The following SEMA5B variants were observed in gnomAD, a reference collection of about 807,000 sequenced individuals.
The protein encoded by SEMA5B is semaphorin-5B.
Under a neutral mutation model 135.0 loss-of-function variants are expected in SEMA5B, and 66 were observed. The observed-to-expected ratio is 0.49, with a 90% confidence interval of 0.40 to 0.60. The LOEUF is 0.60. Among genes scored for constraint, SEMA5B ranks in the 20% least tolerant of loss-of-function variants. The probability of loss-of-function intolerance (pLI) is 0.00; values close to 1 mark genes in which losing one functional copy is unlikely to be tolerated. For synonymous variants in SEMA5B, 690 were observed against 639.5 expected (o/e 1.08, Z -1.19); for missense variants, 1,501 against 1,566.3 (o/e 0.96, Z 0.70).
intron 4 of SEMA5B, among the ~76,000 whole-genome samples, chr3:122,941,647 C>T (rs760968979): frequency 2.0e-5 from 3 of 152,304 alleles, no homozygotes; most frequent in East Asian, 1.9e-4. Context: ...GGCACATGGC[C>T]GGTGCGGAAT....
At chr3:122,948,168 C>T (rs986492276) in intron 3 of SEMA5B, among the ~76,000 whole-genome samples, 1 of 152,148 alleles carries the variant, frequency 6.6e-6, no homozygotes, top group East Asian at 1.9e-4. Flanking sequence ...CAGGCACCTC[C>T]TAATGCATGA....
At chr3:123,011,423 C>T (rs777457728) in intron 1 of SEMA5B, among the ~76,000 whole-genome samples, 1 of 152,218 alleles carries the variant, frequency 6.6e-6, no homozygotes, top group Non-Finnish European at 1.5e-5. Flanking sequence ...GCAGCCGGGG[C>T]TCGTCCCAGG....
intron 3 of SEMA5B, among the ~76,000 whole-genome samples, chr3:122,946,864 G>A (rs1329653032): frequency 6.6e-6 from 1 of 152,170 alleles, no homozygotes; most frequent in Non-Finnish European, 1.5e-5. Flanking sequence ...GGAGGATGGG[G>A]CGAGAAGTCA....
rs71136597 is a variant in SEMA5B at position 122,932,243 on chromosome 3, A to ATTTTTT, written c.475-3191_475-3186dup. ...GGTCTTACACATCCCTCTCAATATG[A>ATTTTTT]TTTTTTTTTTTTTTTTTTTTTTTTT... On this transcript the variant is annotated intron_variant, in intron 5 of 22. Coordinates refer to ENST00000357599, the MANE Select transcript of SEMA5B (RefSeq NM_001031702.4). Among the ~76,000 whole-genome samples, 216 of 85,374 alleles carry ATTTTTT rather than the reference A, an allele frequency of 2.5e-3. 41 individuals carry two copies. The highest frequency in any genetic ancestry group is 6.6e-3 in the Middle Eastern group (1 of 152). The allele number at this position is 85,374 out of a possible 152,430, so 56.0% of individuals were successfully genotyped here. A position where few individuals can be genotyped will look rare whatever the true frequency, so the allele number is the denominator to read the frequency against.
chr3:122,997,524 C>CCCCCCCA (rs1942053014), intron 1 of SEMA5B, among the ~76,000 whole-genome samples: 1 of 151,374 alleles, frequency 6.6e-6, no homozygotes, highest in African/African-American at 2.4e-5. Context: ...CCTCTCCCCC[C>CCCCCCCA]CCCGTCTCCA....
chr3:122,918,378 C>T (rs575048267), intron 12 of SEMA5B, among the ~76,000 whole-genome samples: 1 of 152,290 alleles, frequency 6.6e-6, no homozygotes, highest in East Asian at 1.9e-4. Context: ...GCAAACAAAA[C>T]AAAAAGCCCA....
chr3:123,002,061 C>A (rs1054020249), intron 1 of SEMA5B, among the ~76,000 whole-genome samples: 2 of 152,164 alleles, frequency 1.3e-5, no homozygotes, highest in Non-Finnish European at 2.9e-5. Flanking sequence ...TCAGAATAGG[C>A]TGTGCATCCT....
intron 1 of SEMA5B, among the ~76,000 whole-genome samples, chr3:123,002,553 C>T (rs1184076294): frequency 6.6e-6 from 1 of 152,204 alleles, no homozygotes; most frequent in African/African-American, 2.4e-5. Context: ...GTGAGAAGCT[C>T]AAGCTGTGAA....
intron 1 of SEMA5B, among the ~76,000 whole-genome samples, chr3:123,019,935 A>G (rs9841485): frequency 0.28 from 42,178 of 152,198 alleles, 11,400 homozygotes; most frequent in African/African-American, 0.71. Context: ...AATCAGGGAC[A>G]GGGAAGCAGT....
intron 12 of SEMA5B, among the ~76,000 whole-genome samples, chr3:122,921,245 G>C (rs756252361): frequency 2.6e-5 from 4 of 152,192 alleles, no homozygotes; most frequent in African/African-American, 7.2e-5. Flanking sequence ...GGAGAGCCTC[G>C]GGTGGTAGGA....
Position 122,929,052 on chromosome 3 carries a change from C to T in SEMA5B, c.481G>A (p.Glu161Lys). Reference protein sequence around the residue: ...LANVSLLQATEWASSEDTRRS... With the variant: ...LANVSLLQATKWASSEDTRRS... ...CGCGTGTCCTCACTGGAGGCCCACT[C>T]TGTGGCCTGGGGGAGGAACATAGGA... is the stretch of plus-strand genomic sequence containing the variant. Residue 161 changes from glutamate to lysine, a missense_variant, in exon 6 of 23, where the codon GAG becomes AAG. By Grantham distance (56) the Glu-to-Lys change is moderately conservative (BLOSUM62 1). This residue lies in a region of SEMA5B where 574 missense variants were observed against 684.7 expected (regional missense o/e 0.84). Transcript: ENST00000357599. 2 of 1,611,786 alleles carry T rather than the reference C, an allele frequency of 1.2e-6. No individual in the cohort carries two copies. The highest frequency in any genetic ancestry group is 2.2e-5 in the East Asian group (1 of 44,868).
At chr3:122,987,407 C>T (rs879540932) in intron 1 of SEMA5B, among the ~76,000 whole-genome samples, 2 of 152,180 alleles carry the variant, frequency 1.3e-5, no homozygotes, top group African/African-American at 4.8e-5. Context: ...GGATTCTTAT[C>T]CTGCTATCAG....
At chr3:122,969,456 C>T (rs961261630) in intron 1 of SEMA5B, among the ~76,000 whole-genome samples, 11 of 152,226 alleles carry the variant, frequency 7.2e-5, no homozygotes, top group Non-Finnish European at 1.5e-4. Flanking sequence ...CCAGAGCTTC[C>T]TCCCTGCGTC....
At chr3:122,959,236 G>T (rs548810929) in intron 2 of SEMA5B, among the ~76,000 whole-genome samples, 2 of 152,162 alleles carry the variant, frequency 1.3e-5, no homozygotes, top group Non-Finnish European at 2.9e-5. Context: ...CCCGTGAGGC[G>T]GGTATTGTAA....
chr3:122,917,857 A>C (rs1938151566), intron 12 of SEMA5B, among the ~76,000 whole-genome samples: 2 of 152,192 alleles, frequency 1.3e-5, no homozygotes, highest in South Asian at 4.1e-4. Context: ...AGGGTGTTTT[A>C]TCAGTAGAGT....
intron 1 of SEMA5B, among the ~76,000 whole-genome samples, chr3:123,009,140 G>C (rs756279706): frequency 6.6e-6 from 1 of 152,176 alleles, no homozygotes; most frequent in African/African-American, 2.4e-5. Flanking sequence ...TCAAGGCTCA[G>C]TGTTTCAGCC....
Position 122,997,523 on chromosome 3 carries a change from C to CCCCCA in SEMA5B, c.-39+29940_-39+29941insTGGGG, listed in dbSNP as rs1560427262. ...CTGGCTGGTCCCCAGGCCTCTCCCC[C>CCCCCA]CCCCGTCTCCACCAGGGCATGTTGG... On this transcript the variant is annotated intron_variant, in intron 1 of 22. Coordinates refer to ENST00000357599, the MANE Select transcript of SEMA5B (RefSeq NM_001031702.4). Among the ~76,000 whole-genome samples, 5 of 151,850 alleles carry CCCCCA rather than the reference C, an allele frequency of 3.3e-5. No homozygotes were observed. The East Asian group carries it at 7.7e-4, about 23-fold the overall frequency.
intron 1 of SEMA5B, among the ~76,000 whole-genome samples, chr3:123,002,664 C>A (rs1294727460): frequency 6.6e-6 from 1 of 152,232 alleles, no homozygotes; most frequent in African/African-American, 2.4e-5. Context: ...AAGCCCCGAC[C>A]TGCAGACATT....
rs879170727 is a variant in SEMA5B, at chr3:122,946,067, G to A, written c.328+2439C>T. On this transcript the variant is annotated intron_variant, in intron 3 of 22. Coordinates refer to ENST00000357599, the MANE Select transcript of SEMA5B (RefSeq NM_001031702.4). ...CAAGCACGTTCCGAGCTCTGTGTGC[G>A]GCAAAGGCTTTGGACGGTGACTTTA... is the stretch of plus-strand genomic sequence containing the variant. 3.3e-5 allele frequency among the ~76,000 whole-genome samples: 5 copies of A among 152,308 alleles called. No homozygotes were observed. In the South Asian group the frequency reaches 6.2e-4, roughly 19 times the overall value.
Sources: allele counts gnomAD v4.1 joint callset (sites outside exome capture counted in the v4.1 genomes callset), GRCh38; gene constraint gnomAD v4.1.1; regional missense constraint gnomAD v4.1.1; transcripts MANE v1.5; gene names NCBI Gene and HGNC (gene_info 2026-07-23, HGNC 2026-07-21).